The following FBXW11 variants were observed in gnomAD, a reference collection of about 807,000 sequenced individuals.
The protein encoded by FBXW11 is F-box/WD repeat-containing protein 11.
A neutral mutation model predicts 77.6 loss-of-function variants in FBXW11; 19 were observed. The observed-to-expected ratio is 0.24, with a 90% CI of 0.17 to 0.36. The LOEUF (loss-of-function observed/expected upper bound fraction) is 0.36. Among genes scored for constraint, FBXW11 ranks in the 10% least tolerant of loss-of-function variants. The probability of loss-of-function intolerance (pLI) is 1.00; values close to 1 mark genes in which losing one functional copy is unlikely to be tolerated. For missense variants in FBXW11, 334 were observed against 704.2 expected (o/e 0.47, Z 5.95); for synonymous variants, 235 against 249.4 (o/e 0.94, Z 0.54).
chr5:171,878,592 A>AGAGAG (rs1561640297), intron 7 of FBXW11, among the ~76,000 whole-genome samples: 16 of 133,028 alleles, frequency 1.2e-4, no homozygotes, highest in East Asian at 8.5e-4. Flanking sequence ...GTGTGTGTGT[A>AGAGAG]AGAGAGAGAG....
chr5:171,893,247 A>G (rs1001259606), intron 6 of FBXW11, among the ~76,000 whole-genome samples: 1 of 151,826 alleles, frequency 6.6e-6, no homozygotes, highest in Non-Finnish European at 1.5e-5. Context: ...ACACATCCTG[A>G]GGGCAGGATG....
chr5:171,873,536 G>C (rs34214475), intron 9 of FBXW11, among the ~76,000 whole-genome samples: 4,796 of 152,266 alleles, frequency 0.031, 99 homozygotes, highest in Middle Eastern at 0.068. Context: ...CAGCTACTCA[G>C]GGAGCTGAGG....
chr5:171,951,487 T>C (rs1444940426), intron 2 of FBXW11, among the ~76,000 whole-genome samples: 1 of 151,598 alleles, frequency 6.6e-6, no homozygotes, highest in African/African-American at 2.4e-5. Context: ...CAGTGAGCCA[T>C]GATCCTACCA....
Position 171,876,648 on chromosome 5 carries a change from A to G in FBXW11, c.972-114T>C. 7.6e-7 allele frequency: 1 copy of G among 1,323,882 alleles called. No homozygotes were observed. The highest frequency in any genetic ancestry group is 1.0e-6 in the Non-Finnish European group (1 of 961,100). The allele number at this position is 1,323,882 out of a possible 1,614,324, so 82.0% of individuals were successfully genotyped here. A position where few individuals can be genotyped will look rare whatever the true frequency, so the allele number is the denominator to read the frequency against. Reference sequence around the variant, plus strand: ...GTTTGGATATAGTTTGTCTGACTCTACCAAATCTCATGTTGAAATTGATCC... The same window carrying G: ...GTTTGGATATAGTTTGTCTGACTCTGCCAAATCTCATGTTGAAATTGATCC... On this transcript the variant is annotated intron_variant, in intron 8 of 13. Coordinates refer to ENST00000517395, the MANE Select transcript of FBXW11 (RefSeq NM_001378974.1). This position sits in a 1 kb window ranked among gnomAD's most constrained non-coding sequence, Gnocchi z 4.2.
chr5:171,926,407 A>C (rs1301812538), intron 2 of FBXW11, among the ~76,000 whole-genome samples: 1 of 152,044 alleles, frequency 6.6e-6, no homozygotes, highest in Non-Finnish European at 1.5e-5. Context: ...CCCCACCCAA[A>C]CCTCTTGTCA....
At chr5:171,931,487 T>C (rs1017804310) in intron 2 of FBXW11, among the ~76,000 whole-genome samples, 6 of 152,112 alleles carry the variant, frequency 3.9e-5, no homozygotes, top group African/African-American at 7.2e-5. Flanking sequence ...AAAATGAATC[T>C]AGACACTCAG....
intron 4 of FBXW11, among the ~76,000 whole-genome samples, chr5:171,906,792 T>C (rs191775760): frequency 4.1e-4 from 63 of 152,334 alleles, no homozygotes; most frequent in African/African-American, 1.3e-3. Context: ...TGCTTTTTCC[T>C]GTCACGCTGC....
Position 171,869,701 on chromosome 5 carries a change from C to A in FBXW11, c.1530+28G>T, listed in dbSNP as rs1757635959. 2 of 1,574,308 alleles carry A rather than the reference C, an allele frequency of 1.3e-6. No individual in the cohort carries two copies. Among genetic ancestry groups the A allele is most frequent in the Non-Finnish European group, 1.7e-6 (2 of 1,153,758 alleles). The stretch of plus-strand genomic sequence containing the variant: ...AATGGTCATCCTCCAGCACAGGGAA[C>A]CAATTCCCGTCTCAAGAGATCACAT... On this transcript the variant is annotated intron_variant, in intron 12 of 13. Coordinates refer to ENST00000517395, the MANE Select transcript of FBXW11 (RefSeq NM_001378974.1). The surrounding 1 kb of genome is among the most constrained non-coding windows in gnomAD (Gnocchi z 4.1).
At chr5:171,870,649 A>G in intron 11 of FBXW11, 99 bp downstream of exon 11, 1 of 841,900 alleles carries the variant, frequency 1.2e-6, no homozygotes. Flanking sequence ...ACAGAAACCT[A>G]CCATAGGACC....
chr5:172,002,397 C>T (rs1442203233), intron 1 of FBXW11, among the ~76,000 whole-genome samples: 1 of 149,184 alleles, frequency 6.7e-6, no homozygotes, highest in Non-Finnish European at 1.5e-5. Context: ...TCAGTGAGGT[C>T]CATATATTTT....
chr5:171,971,609 C>T (rs890977403), intron 1 of FBXW11, among the ~76,000 whole-genome samples: 1 of 148,428 alleles, frequency 6.7e-6, no homozygotes, highest in East Asian at 2.0e-4. Context: ...AAAGTCATTA[C>T]GTTTTTGCAG....
chr5:171,878,808 T>C (rs1216175062), intron 7 of FBXW11, among the ~76,000 whole-genome samples: 2 of 151,924 alleles, frequency 1.3e-5, no homozygotes, highest in African/African-American at 4.8e-5. Context: ...TTTTTATGTC[T>C]CATAAAAATA....
chr5:171,874,484 G>A (rs1010580598), intron 9 of FBXW11, among the ~76,000 whole-genome samples: 4 of 152,106 alleles, frequency 2.6e-5, no homozygotes, highest in Non-Finnish European at 5.9e-5. Context: ...TGTGACTGTG[G>A]GAGTAAGTTG....
chr5:171,865,640 G>A (rs932408528), intron 13 of FBXW11, among the ~76,000 whole-genome samples: 3 of 152,198 alleles, frequency 2.0e-5, no homozygotes, highest in South Asian at 2.1e-4. Flanking sequence ...GGTAAACCAC[G>A]AGCAGGAGTT....
chr5:171,932,040 A>C (rs773469172), intron 2 of FBXW11, among the ~76,000 whole-genome samples: 3 of 151,824 alleles, frequency 2.0e-5, no homozygotes, highest in Non-Finnish European at 4.4e-5. Context: ...ATACGTGGCT[A>C]ATTTTTGTAT....
intron 1 of FBXW11, among the ~76,000 whole-genome samples, chr5:171,975,940 T>C (rs1023619270): frequency 2.0e-5 from 3 of 152,138 alleles, no homozygotes; most frequent in African/African-American, 4.8e-5. Flanking sequence ...GGGAAACACA[T>C]TATTAAAATG....
chr5:171,945,040 C>T (rs983971862), intron 2 of FBXW11, among the ~76,000 whole-genome samples: 4 of 152,116 alleles, frequency 2.6e-5, no homozygotes, highest in Non-Finnish European at 5.9e-5. Context: ...AGACATGACC[C>T]GTTTTCTCAT....
intron 1 of FBXW11, among the ~76,000 whole-genome samples, chr5:171,958,252 T>C (rs1763720126): frequency 6.6e-6 from 1 of 152,218 alleles, no homozygotes; most frequent in African/African-American, 2.4e-5. Context: ...CTTTGGTTTG[T>C]CTGCTACCAA....
At chr5:171,991,586 T>C (rs893474262) in intron 1 of FBXW11, among the ~76,000 whole-genome samples, 1 of 152,238 alleles carries the variant, frequency 6.6e-6, no homozygotes, top group Non-Finnish European at 1.5e-5. Flanking sequence ...CAGATTCCCA[T>C]TTCCCATCTT....
Sources: gnomAD v4.1 joint callset for allele counts (sites outside exome capture counted in the v4.1 genomes callset) on GRCh38, gnomAD v4.1.1 for gene constraint, Gnocchi (gnomAD v3.1) non-coding constraint, MANE v1.5 for transcripts, NCBI Gene and HGNC (gene_info 2026-07-23, HGNC 2026-07-21) for gene names.